Variants in NHSL2 observed in about 807,000 individuals in gnomAD.
NHSL2 encodes NHS like 2, also known as NHS-like protein 2.
A neutral mutation model predicts 53.4 loss-of-function variants in NHSL2; 27 were observed. The ratio of observed to expected loss-of-function variants is 0.51; its 90% CI spans 0.37 to 0.70. The LOEUF is 0.70. Ranked by LOEUF, NHSL2 falls within the 30% of genes least tolerant of loss-of-function variation. NHSL2 has a pLI of 0.00. For missense variants in NHSL2, 892 were observed against 980.1 expected, an observed-to-expected ratio of 0.91 and a Z score of 1.20; for synonymous variants, 408 against 404.1, an observed-to-expected ratio of 1.01 and a Z score of -0.12.
intron 1 of NHSL2, among the ~76,000 whole-genome samples, chrX:72,111,858 G>T (rs2042096268): frequency 9.0e-6 from 1 of 111,427 alleles, no homozygotes; most frequent in Non-Finnish European, 1.9e-5. Context: ...TGACCTCAGG[G>T]AGCTTACAGT....
At chrX:72,022,647 C>G (rs752570444) in intron 1 of NHSL2, among the ~76,000 whole-genome samples, 1 of 111,849 alleles carries the variant, frequency 8.9e-6, no homozygotes, top group Admixed American at 9.4e-5. Flanking sequence ...GGCCCCATCT[C>G]CCCGTACCAT....
chrX:72,005,237 C>G (rs72630029), intron 1 of NHSL2, among the ~76,000 whole-genome samples: 17,378 of 111,866 alleles, frequency 0.16, 2,025 homozygotes, highest in African/African-American at 0.39. Context: ...AAAGTGCAGG[C>G]ATTACAGGCA....
intron 2 of NHSL2, 54 bp downstream of exon 2, chrX:72,132,288 G>T: frequency 2.9e-6 from 3 of 1,048,378 alleles, no homozygotes; most frequent in Non-Finnish European, 3.8e-6. Flanking sequence ...ATGCGCAGCG[G>T]CAGGAGGGAG....
rs923613751 is a variant in NHSL2, at chrX:71,911,351, G to A, written c.264G>A (p.Glu88=). The change falls in exon 1 of 8, where the codon GAG becomes GAA. Residue 88 remains glutamate, a synonymous_variant. Transcript: ENST00000633930. ...RLPCRLLGPE[E]DEEELAAANS... is the part of the protein sequence containing the mutation. ...CCTGCCGCCTGCTTGGCCCGGAGGAGGACGAGGAAGAGCTAGGTAAAAACG... is the reference window on the plus strand; with the variant it reads ...CCTGCCGCCTGCTTGGCCCGGAGGAAGACGAGGAAGAGCTAGGTAAAAACG... 9.1e-6 allele frequency: 10 copies of A among 1,093,965 alleles called. No individual in the cohort carries two copies. Among genetic ancestry groups the A allele is most frequent in the Non-Finnish European group, 1.2e-5 (10 of 839,069 alleles). 90.2% of individuals were successfully genotyped at this position (1,093,965 alleles called of 1,213,427 possible).
At chrX:72,081,581 T>C (rs752532911) in intron 1 of NHSL2, among the ~76,000 whole-genome samples, 1 of 111,555 alleles carries the variant, frequency 9.0e-6, no homozygotes, top group East Asian at 2.9e-4. Context: ...CTCCCTCCTA[T>C]GGGGCTCCCT....
rs1044962374 is a variant in NHSL2, at chrX:72,140,554, T to G, written c.3006T>G (p.Pro1002=). 3.3e-6 allele frequency: 4 copies of G among 1,209,336 alleles called. No homozygotes were observed. In the African/African-American group the frequency reaches 7.0e-5, roughly 21 times the overall value. ...EAEKKKGKIP[P]PVPKKPSVLY... ...AGAAAAAGAAAGGCAAGATTCCACCTCCCGTACCAAAAAAACCCAGCGTGC... is the reference window on the plus strand; with the variant it reads ...AGAAAAAGAAAGGCAAGATTCCACCGCCCGTACCAAAAAAACCCAGCGTGC... The change falls in exon 6 of 8, where the codon CCT becomes CCG. Residue 1002 remains proline (P), a synonymous_variant. Transcript: ENST00000633930.
At chrX:72,054,144 G>C in intron 1 of NHSL2, among the ~76,000 whole-genome samples, 1 of 111,846 alleles carries the variant, frequency 8.9e-6, no homozygotes, top group Non-Finnish European at 1.9e-5. Flanking sequence ...CTTCCAAGGA[G>C]ATGCTGCAAC....
chrX:72,063,976 G>A (rs895571126), intron 1 of NHSL2, among the ~76,000 whole-genome samples: 1 of 111,112 alleles, frequency 9.0e-6, no homozygotes, highest in African/African-American at 3.3e-5. Flanking sequence ...CTTCATGGGG[G>A]AGGAGACATT....
At chrX:72,065,014 T>TTACAGCA (rs2042419683) in intron 1 of NHSL2, among the ~76,000 whole-genome samples, 1 of 111,736 alleles carries the variant, frequency 8.9e-6, no homozygotes, top group Admixed American at 9.4e-5. Context: ...GGCAGTGATC[T>TTACAGCA]TACAGCAGTG....
At chrX:71,966,363 T>C (rs1446858943) in intron 1 of NHSL2, among the ~76,000 whole-genome samples, 1 of 112,147 alleles carries the variant, frequency 8.9e-6, no homozygotes, top group Non-Finnish European at 1.9e-5. Context: ...AGAGGGGACA[T>C]CCTTGCCTTG....
In NHSL2 at chrX:72,126,573, GA is replaced by G. The variant is rs35529228; in HGVS notation, c.281-5494del. On this transcript the variant is annotated intron_variant, in intron 1 of 7. Transcript: ENST00000633930. ...TGAATGTTCCCACCCACTTCCCCTG[GA>G]AAAAAAAAAAAGTCCAATTCATGCT... Among the ~76,000 whole-genome samples the G allele has an allele frequency of 5.3e-3, 549 of 102,619 alleles. 3 individuals carry two copies. Among genetic ancestry groups the G allele is most frequent in the African/African-American group, 0.018 (516 of 28,224 alleles). The allele number at this position is 102,619 out of a possible 115,157, so 89.1% of individuals were successfully genotyped here.
At chrX:71,992,021 A>T (rs763432062) in intron 1 of NHSL2, among the ~76,000 whole-genome samples, 31 of 113,224 alleles carry the variant, frequency 2.7e-4, no homozygotes, top group Admixed American at 1.3e-3. Context: ...GGCACAGCTC[A>T]CTGGGAGATG....
At chrX:71,958,730 C>T (rs2041854469) in intron 1 of NHSL2, among the ~76,000 whole-genome samples, 1 of 112,551 alleles carries the variant, frequency 8.9e-6, no homozygotes, top group Admixed American at 9.4e-5. Flanking sequence ...TTGCTGTTAA[C>T]TGGTAAACTG....
At chrX:72,116,529 CAT>C (rs1169029352) in intron 1 of NHSL2, among the ~76,000 whole-genome samples, 1 of 112,109 alleles carries the variant, frequency 8.9e-6, no homozygotes, top group Non-Finnish European at 1.9e-5. Context: ...ACAAGAAAAA[CAT>C]ATTGAATCAC....
chrX:72,087,097 A>G (rs1037190650), intron 1 of NHSL2, among the ~76,000 whole-genome samples: 1 of 112,276 alleles, frequency 8.9e-6, no homozygotes, highest in Non-Finnish European at 1.9e-5. Flanking sequence ...TGAAAGGTGG[A>G]AACAACCCAG....
rs185351223 is a variant in NHSL2, at chrX:72,131,487, C to A, written c.281-592C>A. ...CGCGAAGGGCATTTAATTCTTCGCG[C>A]AGGGCCACATTCGCCATGCGGAGGC... On this transcript the variant is annotated intron_variant, in intron 1 of 7. Transcript: ENST00000633930. 3.7e-3 allele frequency: 4,462 copies of A among 1,203,002 alleles called. 121 individuals carry two copies. The African/African-American group carries it at 0.071, about 19-fold the overall frequency.
chrX:72,087,549 A>G (rs1443656884), intron 1 of NHSL2, among the ~76,000 whole-genome samples: 1 of 112,814 alleles, frequency 8.9e-6, no homozygotes, highest in Non-Finnish European at 1.9e-5. Context: ...AAAAGGTGTG[A>G]GAGACTTCAC....
intron 1 of NHSL2, among the ~76,000 whole-genome samples, chrX:72,051,999 T>A (rs1462909080): frequency 2.7e-5 from 3 of 112,665 alleles, no homozygotes; most frequent in African/African-American, 9.7e-5. Flanking sequence ...TTCTCTATTA[T>A]AGTATTTATC....
chrX:72,050,610 C>T (rs1015895509), intron 1 of NHSL2, among the ~76,000 whole-genome samples: 2 of 112,019 alleles, frequency 1.8e-5, no homozygotes, highest in Non-Finnish European at 3.8e-5. Context: ...GAAAACATTA[C>T]AGTCCAGGCC....
Sources: gnomAD v4.1 joint callset for allele counts (sites outside exome capture counted in the v4.1 genomes callset) on GRCh38, gnomAD v4.1.1 for gene constraint, MANE v1.5 for transcripts, NCBI Gene and HGNC (gene_info 2026-07-23, HGNC 2026-07-21) for gene names.